The following NECTIN3 variants were observed in gnomAD, a reference collection of about 807,000 sequenced individuals.
NECTIN3 encodes nectin-3.
Under a neutral mutation model 49.4 loss-of-function variants are expected in NECTIN3, and 8 were observed. That is an observed-to-expected ratio of 0.16 (90% confidence interval 0.10 to 0.29). The LOEUF is 0.29. Among genes scored for constraint, NECTIN3 ranks in the 10% least tolerant of loss-of-function variants. The pLI is 1.00. For synonymous variants in NECTIN3, 277 were observed against 241.1 expected, an observed-to-expected ratio of 1.15 and a Z score of -1.38; for missense variants, 581 against 654.6, an observed-to-expected ratio of 0.89 and a Z score of 1.23.
chr3:111,119,023 A>G (rs2107464320), intron 3 of NECTIN3, 71 bp downstream of exon 3: 1 of 1,270,254 alleles, frequency 7.9e-7, no homozygotes, highest in South Asian at 1.6e-5. Flanking sequence ...TAGTTTGAAT[A>G]TTTAATAGCT....
intron 7 of NECTIN3, among the ~76,000 whole-genome samples, chr3:111,149,646 A>T (rs2107511665): frequency 6.6e-6 from 1 of 152,114 alleles, no homozygotes; most frequent in South Asian, 2.1e-4. Flanking sequence ...ATGCCTGTTT[A>T]AAAATATGAA....
upstream of NECTIN3, among the ~76,000 whole-genome samples, chr3:111,187,866 C>T (rs945408925): frequency 1.3e-5 from 2 of 152,142 alleles, no homozygotes; most frequent in South Asian, 2.1e-4. Flanking sequence ...AAGAGTAGAT[C>T]GTGTCATGAT....
chr3:111,164,429 C>T (rs1012181689), intron 7 of NECTIN3, among the ~76,000 whole-genome samples: 1 of 152,152 alleles, frequency 6.6e-6, no homozygotes, highest in South Asian at 2.1e-4. Context: ...CCTCATATTA[C>T]TACCATTAGC....
chr3:111,147,510 A>C, intron 7 of NECTIN3: 1 of 1,430,456 alleles, frequency 7.0e-7, no homozygotes, highest in Non-Finnish European at 9.4e-7. Context: ...TACACTTAAG[A>C]TAATGTAAGA....
chr3:111,175,977 A>G (rs900845915), intron 7 of NECTIN3, among the ~76,000 whole-genome samples: 29 of 152,200 alleles, frequency 1.9e-4, no homozygotes, highest in African/African-American at 6.5e-4. Flanking sequence ...AAATGTTCCT[A>G]TCTTAACAGA....
intron 1 of NECTIN3, among the ~76,000 whole-genome samples, chr3:111,110,701 A>C (rs994151535): frequency 6.6e-6 from 1 of 150,956 alleles, no homozygotes; most frequent in Non-Finnish European, 1.5e-5. Flanking sequence ...CATGAGAGTA[A>C]ATTTTCAGGG....
chr3:111,143,047 T>C (rs925811742), intron 5 of NECTIN3, among the ~76,000 whole-genome samples: 1 of 151,852 alleles, frequency 6.6e-6, no homozygotes, highest in Non-Finnish European at 1.5e-5. Flanking sequence ...TGGCCTACTA[T>C]TAAGGATTGA....
chr3:111,135,776 A>T lies in NECTIN3; in HGVS notation c.*1561A>T. 1 of 957,298 alleles carries T rather than the reference A, an allele frequency of 1.0e-6. No individual in the cohort carries two copies. Among genetic ancestry groups the T allele is most frequent in the Non-Finnish European group, 1.2e-6 (1 of 804,602 alleles). 59.3% of individuals were successfully genotyped at this position (957,298 alleles called of 1,614,324 possible). A position where few individuals can be genotyped will look rare whatever the true frequency, so the allele number is the denominator to read the frequency against. ...TTCTAACATGTTCATGGTATCTTGC[A>T]AATAGTGAAAGCTTTATTCTGAAGG... On this transcript the variant is annotated 3_prime_UTR_variant, in exon 6 of 6. Transcript: ENST00000485303.
At chr3:111,162,305 C>G (rs2035229436) in intron 7 of NECTIN3, among the ~76,000 whole-genome samples, 1 of 152,106 alleles carries the variant, frequency 6.6e-6, no homozygotes, top group South Asian at 2.1e-4. Context: ...AGTTGTAGTT[C>G]CCATAATCCC....
intron 5 of NECTIN3, 67 bp downstream of exon 5, chr3:111,126,402 G>T (rs2034164520): frequency 7.6e-7 from 1 of 1,321,584 alleles, no homozygotes; most frequent in Non-Finnish European, 1.1e-6. Context: ...GTAACAATAT[G>T]ATCCTAAGCA....
intron 1 of NECTIN3, among the ~76,000 whole-genome samples, chr3:111,109,475 C>T (rs1392345678): frequency 6.6e-6 from 1 of 151,756 alleles, no homozygotes; most frequent in Non-Finnish European, 1.5e-5. Flanking sequence ...TATGTACAGG[C>T]AATAATTTTT....
chr3:111,129,674 A>G (rs1330049951), intron 5 of NECTIN3, among the ~76,000 whole-genome samples: 2 of 151,558 alleles, frequency 1.3e-5, no homozygotes, highest in African/African-American at 2.4e-5. Flanking sequence ...TTTTGGAGAC[A>G]GTCTCGCTCT....
intron 7 of NECTIN3, among the ~76,000 whole-genome samples, chr3:111,148,510 T>C (rs992533252): frequency 1.3e-5 from 2 of 152,152 alleles, no homozygotes; most frequent in Non-Finnish European, 2.9e-5. Flanking sequence ...AATTGACAAG[T>C]GGTGTGAAAT....
intron 1 of NECTIN3, among the ~76,000 whole-genome samples, chr3:111,082,391 A>G (rs1034684533): frequency 7.2e-5 from 11 of 151,936 alleles, no homozygotes; most frequent in Non-Finnish European, 1.6e-4. Context: ...GAAGAGAGAG[A>G]GTGAGAAGAA....
chr3:111,121,127 C>T (rs1393754117), intron 3 of NECTIN3, among the ~76,000 whole-genome samples: 17 of 150,600 alleles, frequency 1.1e-4, no homozygotes, highest in Non-Finnish European at 2.4e-4. Flanking sequence ...CTCAGCCTCC[C>T]GAGTGGCTGG....
At position 111,133,683 on chromosome 3, in the gene NECTIN3, C is replaced by T. The variant is rs2034472006; in HGVS notation, c.1118C>T (p.Ser373Leu). The T allele has an allele frequency of 8.7e-6, 14 of 1,613,754 alleles. No individual in the cohort carries two copies. Among genetic ancestry groups the T allele is most frequent in the East Asian group, 2.2e-5 (1 of 44,892 alleles). ...CAGCCTACAATTCAGTGGCATCCCT[C>T]AACTGCTGACATCGAGGATCTAGCA... ...TLQPTIQWHP[S>L]TADIEDLATE... Residue 373 changes from serine (S) to leucine (L), a missense_variant, in exon 6 of 6, where the codon TCA becomes TTA. Physicochemically the swap from Ser to Leu is moderately radical, Grantham distance 145. This residue lies in a region of NECTIN3 where 238 missense variants were observed against 244.9 expected (regional missense o/e 0.97). Coordinates refer to ENST00000485303, the MANE Select transcript of NECTIN3 (RefSeq NM_015480.3).
chr3:111,140,202 T>A (rs1182619897), downstream of NECTIN3, among the ~76,000 whole-genome samples: 1 of 147,728 alleles, frequency 6.8e-6, no homozygotes, highest in Non-Finnish European at 1.5e-5. Context: ...AGAGTTTATC[T>A]TTATGTTCTA....
At chr3:111,188,169 G>A (rs540078067), upstream of NECTIN3, among the ~76,000 whole-genome samples, 1 of 152,308 alleles carries the variant, frequency 6.6e-6, no homozygotes, top group South Asian at 2.1e-4. Flanking sequence ...TTGACAGAAA[G>A]AGCATGTACT....
chr3:111,124,554 A>C (rs1292006211), intron 4 of NECTIN3, among the ~76,000 whole-genome samples: 3 of 152,128 alleles, frequency 2.0e-5, no homozygotes, highest in Non-Finnish European at 4.4e-5. Flanking sequence ...TACTTGCAAA[A>C]ATTTTCTTTC....
Sources: allele counts gnomAD v4.1 joint callset (sites outside exome capture counted in the v4.1 genomes callset), GRCh38; gene constraint gnomAD v4.1.1; regional missense constraint gnomAD v4.1.1; transcripts MANE v1.5; gene names NCBI Gene and HGNC (gene_info 2026-07-23, HGNC 2026-07-21).